The following IL17C variants were observed in gnomAD, a reference collection of about 807,000 sequenced individuals.
IL17C encodes the protein interleukin-17C.
IL17C carries 13 observed loss-of-function variants against 11.0 expected under a neutral mutation model. The observed-to-expected ratio is 1.18, with a 90% CI of 0.77 to 1.88. The LOEUF is 1.88. Among genes scored for constraint, IL17C ranks in the 40% most tolerant of loss-of-function variants. The probability of loss-of-function intolerance (pLI) is 0.00; values close to 1 mark genes in which losing one functional copy is unlikely to be tolerated. For missense variants in IL17C, 357 were observed against 278.2 expected (o/e 1.28, Z -2.01); for synonymous variants, 150 against 125.8 (o/e 1.19, Z -1.29).
chr16:88,640,244 G>C lies in IL17C; in HGVS notation c.*172G>C. On this transcript the variant is annotated 3_prime_UTR_variant, in exon 3 of 3. Transcript: ENST00000244241. ...ACTGTTCTCCTCATCTCCAGCCTCAGTAGTTGGGGGTAGAAGGAGCTCAGC... is the reference window on the plus strand; with the variant it reads ...ACTGTTCTCCTCATCTCCAGCCTCACTAGTTGGGGGTAGAAGGAGCTCAGC... The C allele has an allele frequency of 1.5e-6, 1 of 669,956 alleles. No homozygotes were observed. Among genetic ancestry groups the C allele is most frequent in the Non-Finnish European group, 2.4e-6 (1 of 422,014 alleles). The allele number at this position is 669,956 out of a possible 1,614,324, so 41.5% of individuals were successfully genotyped here. A position where few individuals can be genotyped will look rare whatever the true frequency, so the allele number is the denominator to read the frequency against.
chr16:88,638,680 C>G (rs1239393694), intron 1 of IL17C, 33 bp downstream of exon 1: 2 of 1,612,884 alleles, frequency 1.2e-6, no homozygotes, highest in East Asian at 2.2e-5. Context: ...CGGATGGATG[C>G]TGCTTGGATG....
intron 1 of IL17C, 147 bp from the exon 2 acceptor site, chr16:88,638,833 AG>A (rs35565688): frequency 8.6e-7 from 1 of 1,161,598 alleles, no homozygotes; most frequent in Admixed American, 1.9e-5. Context: ...CTTGGGCTGA[AG>A]GGCTAGCCTC....
rs1410385275 is a variant in IL17C, at chr16:88,639,729, G to A, written c.336-85G>A. ...CTCGCTGCCTCAGGTCCTATCCTGA[G>A]TACACGGAGAGGGGCCCTGAGGGGA... is the stretch of plus-strand genomic sequence containing the variant. On this transcript the variant is annotated intron_variant, in intron 2 of 2. Transcript: ENST00000244241. This position sits in a 1 kb window ranked among gnomAD's most constrained non-coding sequence, Gnocchi z 5.1. 9.1e-6 allele frequency: 13 copies of A among 1,423,898 alleles called. No individual in the cohort carries two copies. The Admixed American group carries it at 1.3e-4, about 14-fold the overall frequency. 88.2% of individuals were successfully genotyped at this position (1,423,898 alleles called of 1,614,324 possible).
At position 88,639,706 on chromosome 16, in the gene IL17C, C is replaced by A; in HGVS notation, c.336-108C>A. 7.5e-7 allele frequency: 1 copy of A among 1,337,136 alleles called. No homozygotes were observed. 82.8% of individuals were successfully genotyped at this position (1,337,136 alleles called of 1,614,324 possible). On this transcript the variant is annotated intron_variant, in intron 2 of 2. Transcript: ENST00000244241. The surrounding 1 kb of genome is among the most constrained non-coding windows in gnomAD (Gnocchi z 5.1). ...CCCCAAGCCCGTGTGGCTCAGCCCT[C>A]GCTGCCTCAGGTCCTATCCTGAGTA...
chr16:88,640,138 T>A lies in IL17C; in HGVS notation c.*66T>A. 1 of 1,478,666 alleles carries A rather than the reference T, an allele frequency of 6.8e-7. No individual in the cohort carries two copies. The highest frequency in any genetic ancestry group is 9.0e-7 in the Non-Finnish European group (1 of 1,110,056). The allele number at this position is 1,478,666 out of a possible 1,614,324, so 91.6% of individuals were successfully genotyped here. A position where few individuals can be genotyped will look rare whatever the true frequency, so the allele number is the denominator to read the frequency against. ...CCCCAGAGGGCACCCCCTATTTATG[T>A]GTATTTATTGTTATTTATATGCCTC... On this transcript the variant is annotated 3_prime_UTR_variant, in exon 3 of 3. Transcript: ENST00000244241.
Position 88,639,432 on chromosome 16 carries a change from C to T in IL17C, c.335+123C>T. On this transcript the variant is annotated intron_variant, in intron 2 of 2. Transcript: ENST00000244241. This position sits in a 1 kb window ranked among gnomAD's most constrained non-coding sequence, Gnocchi z 5.1. ...TGTCAAGTGGGCGTGGCCACCTGAG[C>T]TCCCTCCCTCCGGCCCTCCTGACCT... The T allele has an allele frequency of 1.0e-6, 1 of 957,624 alleles. No individual in the cohort carries two copies. The highest frequency in any genetic ancestry group is 1.5e-6 in the Non-Finnish European group (1 of 665,380). The allele number at this position is 957,624 out of a possible 1,614,324, so 59.3% of individuals were successfully genotyped here.
chr16:88,638,898 C>A, intron 1 of IL17C, 83 bp from the exon 2 acceptor site: 1 of 1,336,144 alleles, frequency 7.5e-7, no homozygotes, highest in Non-Finnish European at 1.0e-6. Context: ...CATCTTTCCG[C>A]TGGGAACAAG....
At position 88,639,821 on chromosome 16, in the gene IL17C, A is replaced by G. The variant is rs941796553; in HGVS notation, c.343A>G (p.Thr115Ala). ...SISPWRYRVD[T>A]DEDRYPQKLA... ...GTGCACCCCGTCCCGCAGTGTGGACACGGATGAGGACCGCTATCCACAGAA... is the reference window on the plus strand; with the variant it reads ...GTGCACCCCGTCCCGCAGTGTGGACGCGGATGAGGACCGCTATCCACAGAA... Residue 115 changes from threonine to alanine, a missense_variant, in exon 3 of 3, where the codon ACG becomes GCG. Transcript: ENST00000244241. This position sits in a 1 kb window ranked among gnomAD's most constrained non-coding sequence, Gnocchi z 5.1. 1 of 1,563,060 alleles carries G rather than the reference A, an allele frequency of 6.4e-7. No individual in the cohort carries two copies. The highest frequency in any genetic ancestry group is 1.4e-5 in the African/African-American group (1 of 74,018).
Position 88,639,916 on chromosome 16 carries a change from C to G in IL17C, c.438C>G (p.Leu146=). 1.2e-6 allele frequency: 2 copies of G among 1,610,518 alleles called. No homozygotes were observed. The highest frequency in any genetic ancestry group is 1.7e-6 in the Non-Finnish European group (2 of 1,179,498). Residue 146 remains leucine, a synonymous_variant, in exon 3 of 3, where the codon CTC becomes CTG. Coordinates refer to ENST00000244241, the MANE Select transcript of IL17C (RefSeq NM_013278.4). The surrounding 1 kb of genome is among the most constrained non-coding windows in gnomAD (Gnocchi z 5.1). ...DARTGRETAA[L]NSVRLLQSLL... ...GGACGGGCCGCGAGACAGCTGCGCTCAACTCCGTGCGGCTGCTCCAGAGCC... is the reference window on the plus strand; with the variant it reads ...GGACGGGCCGCGAGACAGCTGCGCTGAACTCCGTGCGGCTGCTCCAGAGCC...
At position 88,639,070 on chromosome 16, in the gene IL17C, T is replaced by G; in HGVS notation, c.96T>G (p.Gly32=). ...PSLRGHPHSH[G]TPHCYSAEEL... Reference sequence around the variant, plus strand: ...TCAGGGGGCACCCCCACAGTCACGGTACCCCACACTGCTACTCGGCTGAGG... The same window carrying G: ...TCAGGGGGCACCCCCACAGTCACGGGACCCCACACTGCTACTCGGCTGAGG... The change falls in exon 2 of 3, where the codon GGT becomes GGG. Residue 32 remains glycine (G), a synonymous_variant. Coordinates refer to ENST00000244241, the MANE Select transcript of IL17C (RefSeq NM_013278.4). This position sits in a 1 kb window ranked among gnomAD's most constrained non-coding sequence, Gnocchi z 5.1. The G allele has an allele frequency of 6.2e-7, 1 of 1,613,032 alleles. No homozygotes were observed. Among genetic ancestry groups the G allele is most frequent in the Non-Finnish European group, 8.5e-7 (1 of 1,179,828 alleles).
At chr16:88,638,784 G>A (rs920612108) in intron 1 of IL17C, 137 bp downstream of exon 1, 7 of 1,381,896 alleles carry the variant, frequency 5.1e-6, no homozygotes, top group Admixed American at 1.8e-5. Context: ...GGGTAGGGGA[G>A]GCAGCTGCAG....
Position 88,639,455 on chromosome 16 carries a change from C to G in IL17C, c.335+146C>G. ...AGCTCCCTCCCTCCGGCCCTCCTGACCTGGACGGCTGAGCTGCTGCTTGCG... is the reference window on the plus strand; with the variant it reads ...AGCTCCCTCCCTCCGGCCCTCCTGAGCTGGACGGCTGAGCTGCTGCTTGCG... On this transcript the variant is annotated intron_variant, in intron 2 of 2. Coordinates refer to ENST00000244241, the MANE Select transcript of IL17C (RefSeq NM_013278.4). The surrounding 1 kb of genome is among the most constrained non-coding windows in gnomAD (Gnocchi z 5.1). 1.2e-6 allele frequency: 1 copy of G among 835,786 alleles called. No homozygotes were observed. The highest frequency in any genetic ancestry group is 1.8e-6 in the Non-Finnish European group (1 of 555,308). The allele number at this position is 835,786 out of a possible 1,614,324, so 51.8% of individuals were successfully genotyped here. A position where few individuals can be genotyped will look rare whatever the true frequency, so the allele number is the denominator to read the frequency against.
rs1906996495 is a variant in IL17C at position 88,639,537 on chromosome 16, C to G, written c.335+228C>G. Among the ~76,000 whole-genome samples, 1 of 152,154 alleles carries G rather than the reference C, an allele frequency of 6.6e-6. No individual in the cohort carries two copies. The highest frequency in any genetic ancestry group is 2.4e-5 in the African/African-American group (1 of 41,442). ...GTGGCCAGGGTCCCCTGGGGAAATT[C>G]TGGGCCCGTCACCTGAGCTCCTGCA... On this transcript the variant is annotated intron_variant, in intron 2 of 2. Transcript: ENST00000244241. The surrounding 1 kb of genome is among the most constrained non-coding windows in gnomAD (Gnocchi z 5.1).
intron 1 of IL17C, 53 bp downstream of exon 1, chr16:88,638,700 G>A: frequency 6.2e-7 from 1 of 1,612,508 alleles, no homozygotes. Context: ...GTGCAGCCTG[G>A]CATGGAAGGG....
chr16:88,639,635 G>T lies in IL17C; in HGVS notation c.336-179G>T, dbSNP rs1304811445. Among the ~76,000 whole-genome samples the T allele has an allele frequency of 6.6e-6, 1 of 152,180 alleles. No homozygotes were observed. Among genetic ancestry groups the T allele is most frequent in the Non-Finnish European group, 1.5e-5 (1 of 68,022 alleles). The stretch of plus-strand genomic sequence containing the variant: ...CGGACCCTGCTCTGTGCTCTTGGAG[G>T]GCCCTGGGGAGACGTGGATTACCAC... On this transcript the variant is annotated intron_variant, in intron 2 of 2. Transcript: ENST00000244241. This position sits in a 1 kb window ranked among gnomAD's most constrained non-coding sequence, Gnocchi z 5.1.
Position 88,640,372 on chromosome 16 carries a change from G to A in IL17C, c.*300G>A, listed in dbSNP as rs1227557104. 8 of 376,640 alleles carry A rather than the reference G, an allele frequency of 2.1e-5. No individual in the cohort carries two copies. The highest frequency in any genetic ancestry group is 3.8e-5 in the Non-Finnish European group (8 of 208,844). The allele number at this position is 376,640 out of a possible 1,614,324, so 23.3% of individuals were successfully genotyped here. On this transcript the variant is annotated 3_prime_UTR_variant, in exon 3 of 3. Transcript: ENST00000244241. ...TTCCCTTACCCTATCACTGGCCTCA[G>A]GCCCCCGCAGGCTGCCTCTTCCCAA... is the stretch of plus-strand genomic sequence containing the variant.
At position 88,639,487 on chromosome 16, in the gene IL17C, C is replaced by T. The variant is rs371533030; in HGVS notation, c.335+178C>T. Among the ~76,000 whole-genome samples, 4 of 152,246 alleles carry T rather than the reference C, an allele frequency of 2.6e-5. No homozygotes were observed. The highest frequency in any genetic ancestry group is 6.5e-5 in the Admixed American group (1 of 15,302). On this transcript the variant is annotated intron_variant, in intron 2 of 2. Coordinates refer to ENST00000244241, the MANE Select transcript of IL17C (RefSeq NM_013278.4). The surrounding 1 kb of genome is among the most constrained non-coding windows in gnomAD (Gnocchi z 5.1). ...GGCTGAGCTGCTGCTTGCGGCTGGC[C>T]GTGCCCTGCCTCCCACTGTCCTAGG... is the stretch of plus-strand genomic sequence containing the variant.
At position 88,639,206 on chromosome 16, in the gene IL17C, A is replaced by G; in HGVS notation, c.232A>G (p.Arg78Gly). The change falls in exon 2 of 3, where the codon AGG (arginine) becomes GGG (glycine). Residue 78 changes from arginine to glycine, a missense_variant. Physicochemically the swap from Arg to Gly is moderately radical, Grantham distance 125. Transcript: ENST00000244241. The surrounding 1 kb of genome is among the most constrained non-coding windows in gnomAD (Gnocchi z 5.1). ...CCTGGAGGCAGCAAGCCACAGGGGG[A>G]GGCACGAGAGGCCCTCAGCTACGAC... ...SSLEAASHRG[R>G]HERPSATTQC... The G allele has an allele frequency of 6.2e-7, 1 of 1,612,602 alleles. No individual in the cohort carries two copies.
At position 88,639,314 on chromosome 16, in the gene IL17C, G is replaced by A; in HGVS notation, c.335+5G>A. 6 of 1,577,858 alleles carry A rather than the reference G, an allele frequency of 3.8e-6. No individual in the cohort carries two copies. The South Asian group carries it at 5.8e-5, about 15-fold the overall frequency. On this transcript the variant is annotated splice_donor_5th_base_variant and intron_variant, in intron 2 of 2. Coordinates refer to ENST00000244241, the MANE Select transcript of IL17C (RefSeq NM_013278.4). The surrounding 1 kb of genome is among the most constrained non-coding windows in gnomAD (Gnocchi z 5.1). ...CATCTCACCCTGGAGATACCGGTGA[G>A]GACCTGGGGATTCCGCTGTGGCGTG...
Sources: allele counts gnomAD v4.1 joint callset (sites outside exome capture counted in the v4.1 genomes callset), GRCh38; gene constraint gnomAD v4.1.1; non-coding constraint Gnocchi (gnomAD v3.1); transcripts MANE v1.5; gene names NCBI Gene and HGNC (gene_info 2026-07-23, HGNC 2026-07-21).